QKI: variants seen among roughly 807,000 people sequenced by gnomAD.
QKI encodes the protein QKI, KH domain containing RNA binding.
In QKI, 10 loss-of-function variants were observed where a neutral mutation model predicts 39.0. The ratio of observed to expected loss-of-function variants is 0.26; its 90% CI spans 0.16 to 0.43. The LOEUF (loss-of-function observed/expected upper bound fraction) is 0.43, where lower values mean the gene tolerates loss of function less well. Ranked by LOEUF, QKI falls within the 20% of genes least tolerant of loss-of-function variation. QKI has a pLI of 1.00. For missense variants in QKI, 218 were observed against 428.0 expected (o/e 0.51, Z 4.33); for synonymous variants, 204 against 155.4 (o/e 1.31, Z -2.33).
intron 4 of QKI, among the ~76,000 whole-genome samples, chr6:163,538,481 G>A (rs1328152485): frequency 6.6e-6 from 1 of 152,144 alleles, no homozygotes; most frequent in African/African-American, 2.4e-5. Flanking sequence ...GGAGCTTAAT[G>A]AGCCGGCTGA....
At chr6:163,533,975 A>G (rs1434601917) in intron 3 of QKI, among the ~76,000 whole-genome samples, 1 of 152,232 alleles carries the variant, frequency 6.6e-6, no homozygotes, top group Non-Finnish European at 1.5e-5. Flanking sequence ...GAATCTAACA[A>G]TTAGGTAAAT....
intron 3 of QKI, among the ~76,000 whole-genome samples, chr6:163,521,860 A>G (rs886183560): frequency 5.9e-5 from 9 of 152,024 alleles, no homozygotes; most frequent in African/African-American, 1.9e-4. Flanking sequence ...TTAATTGCTA[A>G]TTTATTTTTT....
rs552393567 is a variant in QKI, at chr6:163,485,932, AAAAC to A, written c.402+7052_402+7055del. On this transcript the variant is annotated intron_variant, in intron 3 of 7. Transcript: ENST00000361752. ...TACACTAACAATAGCTGATGAGCTA[AAAAC>A]AAACAAACAAACAAAAACCTCATGT... Among the ~76,000 whole-genome samples, 350 of 152,364 alleles carry A rather than the reference AAAAC, an allele frequency of 2.3e-3. 1 individual carries two copies. The highest frequency in any genetic ancestry group is 7.8e-3 in the African/African-American group (326 of 41,584).
At chr6:163,500,214 T>C (rs1778674309) in intron 3 of QKI, among the ~76,000 whole-genome samples, 2 of 152,130 alleles carry the variant, frequency 1.3e-5, no homozygotes, top group African/African-American at 2.4e-5. Context: ...AGGAAGTCAG[T>C]TGATGGTTTT....
intron 3 of QKI, among the ~76,000 whole-genome samples, chr6:163,517,776 G>A (rs935958760): frequency 4.6e-5 from 7 of 152,040 alleles, no homozygotes; most frequent in African/African-American, 7.2e-5. Context: ...GTATCACACC[G>A]GATAACTAAC....
intron 7 of QKI, 91 bp downstream of exon 7, chr6:163,566,886 C>T (rs1783395749): frequency 2.0e-6 from 3 of 1,526,828 alleles, no homozygotes; most frequent in African/African-American, 1.4e-5. Context: ...AATGTAATTG[C>T]TTACCTGCAC....
chr6:163,540,206 C>CA (rs1378303683), intron 4 of QKI, among the ~76,000 whole-genome samples: 1 of 151,388 alleles, frequency 6.6e-6, no homozygotes, highest in Non-Finnish European at 1.5e-5. Flanking sequence ...TGTTGTATAG[C>CA]AAAAAACATC....
intron 2 of QKI, among the ~76,000 whole-genome samples, chr6:163,475,861 A>G (rs1021595725): frequency 1.3e-5 from 2 of 152,200 alleles, no homozygotes; most frequent in Admixed American, 6.5e-5. Context: ...ACTAACCATG[A>G]AGATAAGGTT....
chr6:163,468,478 AAG>A (rs1791941323), intron 2 of QKI, among the ~76,000 whole-genome samples: 2 of 152,286 alleles, frequency 1.3e-5, no homozygotes, highest in South Asian at 2.1e-4. Context: ...GAATTTTAAA[AAG>A]GTTAATGGAA....
intron 3 of QKI, among the ~76,000 whole-genome samples, chr6:163,528,995 T>G (rs546371332): frequency 2.4e-4 from 37 of 152,342 alleles, no homozygotes; most frequent in African/African-American, 8.7e-4. Flanking sequence ...TTGACCCATC[T>G]TGTCTCCTGT....
chr6:163,463,482 C>T (rs1791492701), intron 2 of QKI, among the ~76,000 whole-genome samples: 1 of 152,198 alleles, frequency 6.6e-6, no homozygotes, highest in South Asian at 2.1e-4. Flanking sequence ...GTAGTCCTTG[C>T]ACTCGTGATA....
intron 3 of QKI, among the ~76,000 whole-genome samples, chr6:163,520,819 AT>A (rs1780107026): frequency 6.6e-6 from 1 of 152,210 alleles, no homozygotes; most frequent in Non-Finnish European, 1.5e-5. Context: ...ATCACTTTTT[AT>A]AGTTTTGCTA....
intron 2 of QKI, among the ~76,000 whole-genome samples, chr6:163,471,035 C>G (rs1377422681): frequency 6.6e-6 from 1 of 152,058 alleles, no homozygotes; most frequent in Non-Finnish European, 1.5e-5. Flanking sequence ...TTGTGGTTTT[C>G]TTTATATTTA....
At chr6:163,536,515 T>C (rs1781221867) in intron 4 of QKI, among the ~76,000 whole-genome samples, 1 of 152,210 alleles carries the variant, frequency 6.6e-6, no homozygotes, top group Non-Finnish European at 1.5e-5. Flanking sequence ...CAAGGATCTT[T>C]GATGCAGTCT....
chr6:163,480,360 G>A (rs1792985015), intron 3 of QKI, among the ~76,000 whole-genome samples: 1 of 151,938 alleles, frequency 6.6e-6, no homozygotes, highest in Admixed American at 6.6e-5. Flanking sequence ...TGTTAGACCA[G>A]TACGCTGAAT....
chr6:163,507,381 C>T (rs190229094), intron 3 of QKI, among the ~76,000 whole-genome samples: 2 of 152,280 alleles, frequency 1.3e-5, no homozygotes, highest in Admixed American at 1.3e-4. Context: ...TAAAAACCAG[C>T]TACTCCAAGG....
At chr6:163,470,246 C>T (rs1455419466) in intron 2 of QKI, among the ~76,000 whole-genome samples, 3 of 152,078 alleles carry the variant, frequency 2.0e-5, no homozygotes, top group Non-Finnish European at 4.4e-5. Context: ...CTATGTGAAC[C>T]TCCCTTGCCA....
At chr6:163,564,575 C>A in intron 6 of QKI, 1 of 1,599,668 alleles carries the variant, frequency 6.3e-7, no homozygotes, top group Non-Finnish European at 8.5e-7. Flanking sequence ...TCACTTAAGG[C>A]AGAAATTAAA....
Position 163,578,286 on chromosome 6 carries a change from G to A in QKI, c.*7576G>A, listed in dbSNP as rs552842960. On this transcript the variant is annotated 3_prime_UTR_variant, in exon 8 of 8. Coordinates refer to ENST00000361752, the MANE Select transcript of QKI (RefSeq NM_006775.3). The stretch of plus-strand genomic sequence containing the variant: ...AAAGGAGAAGAAAATATTTGCAAGT[G>A]AATCCACAATTCTTGCAGAACTATT... 6.1e-4 allele frequency: 93 copies of A among 152,256 alleles called. No homozygotes were observed. The highest frequency in any genetic ancestry group is 2.2e-3 in the African/African-American group (91 of 41,554). 9.4% of individuals were successfully genotyped at this position (152,256 alleles called of 1,614,324 possible). A position where few individuals can be genotyped will look rare whatever the true frequency, so the allele number is the denominator to read the frequency against.
Sources: gnomAD v4.1 joint callset for allele counts (sites outside exome capture counted in the v4.1 genomes callset) on GRCh38, gnomAD v4.1.1 for gene constraint, MANE v1.5 for transcripts, NCBI Gene and HGNC (gene_info 2026-07-23, HGNC 2026-07-21) for gene names.